Variants in SOX30 observed in about 807,000 individuals in gnomAD.
The protein encoded by SOX30 is transcription factor SOX-30.
SOX30 carries 17 observed loss-of-function variants against 58.6 expected under a neutral mutation model. That is an observed-to-expected ratio of 0.29 (90% CI 0.20 to 0.44). The LOEUF is 0.44. SOX30 is among the 20% of genes least tolerant of loss of function. The pLI is 1.00. For missense variants in SOX30, 951 were observed against 965.8 expected (o/e 0.98, Z 0.20); for synonymous variants, 421 against 400.2 (o/e 1.05, Z -0.62).
chr5:157,641,981 G>A (rs543986743), intron 3 of SOX30, among the ~76,000 whole-genome samples: 2 of 152,186 alleles, frequency 1.3e-5, no homozygotes, highest in South Asian at 2.1e-4. Context: ...ACAAGTGATC[G>A]ATTAGAACAA....
intron 4 of SOX30, among the ~76,000 whole-genome samples, chr5:157,629,268 C>G (rs1004159225): frequency 1.6e-4 from 24 of 152,074 alleles, no homozygotes; most frequent in Middle Eastern, 3.2e-3. Flanking sequence ...CCCATAAATA[C>G]GTAAAATGTT....
chr5:157,644,914 G>C (rs570210794), intron 3 of SOX30, among the ~76,000 whole-genome samples: 1 of 152,188 alleles, frequency 6.6e-6, no homozygotes, highest in Non-Finnish European at 1.5e-5. Context: ...CCAGGCGTCA[G>C]AGGCTGCAGT....
At chr5:157,661,467 A>G (rs1759577012) in intron 2 of SOX30, among the ~76,000 whole-genome samples, 1 of 152,250 alleles carries the variant, frequency 6.6e-6, no homozygotes, top group Admixed American at 6.5e-5. Context: ...TTTGTGAGCC[A>G]TATGAGCTCT....
chr5:157,667,691 A>G, intron 2 of SOX30: 1 of 1,448,340 alleles, frequency 6.9e-7, no homozygotes, highest in Non-Finnish European at 9.1e-7. Flanking sequence ...GTGACCTGAT[A>G]TCATGCCACT....
intron 4 of SOX30, among the ~76,000 whole-genome samples, chr5:157,637,487 A>C (rs921965970): frequency 6.6e-6 from 1 of 152,172 alleles, no homozygotes; most frequent in Non-Finnish European, 1.5e-5. Context: ...GCCAAATATC[A>C]GGCGTACTAT....
intron 1 of SOX30, 152 bp from the exon 2 acceptor site, chr5:157,649,048 CACAATTCCTT>C: frequency 1.1e-6 from 1 of 951,528 alleles, no homozygotes; most frequent in Non-Finnish European, 1.5e-6. Flanking sequence ...GCCAGTATTC[CACAATTCCTT>C]ACATCCCCTG....
intron 2 of SOX30, among the ~76,000 whole-genome samples, chr5:157,647,470 C>A (rs1759221059): frequency 6.6e-6 from 1 of 151,958 alleles, no homozygotes; most frequent in Admixed American, 6.6e-5. Context: ...TCAAATAATG[C>A]CTCACTATGA....
chr5:157,646,171 G>C (rs1450094477), intron 3 of SOX30, among the ~76,000 whole-genome samples: 1 of 152,152 alleles, frequency 6.6e-6, no homozygotes, highest in African/African-American at 2.4e-5. Flanking sequence ...TTAATATAAT[G>C]AACCAAACAA....
At position 157,651,944 on chromosome 5, in the gene SOX30, C is replaced by T. The variant is rs1581402696; in HGVS notation, c.135G>A (p.Ala45=). Residue 45 remains alanine, a synonymous_variant, in exon 1 of 5, where the codon GCG becomes GCA. Transcript: ENST00000265007. ...EPPPSSPTLS[A]AASATLASSC... ...ACGAGGCCAAGGTCGCACTGGCTGC[C>T]GCGCTCAGTGTGGGAGACGACGGAG... 1.3e-6 allele frequency: 2 copies of T among 1,492,004 alleles called. No homozygotes were observed. Among genetic ancestry groups the T allele is most frequent in the East Asian group, 2.4e-5 (1 of 41,278 alleles). 92.4% of individuals were successfully genotyped at this position (1,492,004 alleles called of 1,614,324 possible).
chr5:157,667,785 C>T lies in SOX30; in HGVS notation c.52+13G>A, dbSNP rs1347559579. ...ACATACACACACACACACACACACACACACATACAAACCTTGCTGGATGCA... is the reference window on the plus strand; with the variant it reads ...ACATACACACACACACACACACACATACACATACAAACCTTGCTGGATGCA... On this transcript the variant is annotated intron_variant, in intron 2 of 5. Coordinates refer to the SOX30 transcript ENST00000519442. The T allele has an allele frequency of 4.6e-6, 7 of 1,534,706 alleles. No individual in the cohort carries two copies. The African/African-American group carries it at 8.2e-5, about 18-fold the overall frequency.
chr5:157,668,689 A>C (rs943347588), intron 1 of SOX30, among the ~76,000 whole-genome samples: 1 of 152,120 alleles, frequency 6.6e-6, no homozygotes, highest in African/African-American at 2.4e-5. Context: ...GCTTTTCCTG[A>C]TCAGTGATGG....
chr5:157,633,456 G>T (rs992490101), intron 4 of SOX30, among the ~76,000 whole-genome samples: 2 of 152,114 alleles, frequency 1.3e-5, no homozygotes, highest in Admixed American at 6.5e-5. Flanking sequence ...TCCTTGCTGG[G>T]GAGTTCAGGT....
intron 4 of SOX30, among the ~76,000 whole-genome samples, chr5:157,633,357 C>CCAATG (rs1383586804): frequency 9.9e-5 from 15 of 152,254 alleles, no homozygotes; most frequent in African/African-American, 3.6e-4. Context: ...AAGTTTATAA[C>CCAATG]CAATGAAACT....
At chr5:157,644,874 G>A (rs1243649067) in intron 3 of SOX30, among the ~76,000 whole-genome samples, 3 of 152,116 alleles carry the variant, frequency 2.0e-5, no homozygotes, top group Admixed American at 6.5e-5. Context: ...TCAGCTACTC[G>A]GGAGGCTGAG....
intron 2 of SOX30, among the ~76,000 whole-genome samples, chr5:157,661,775 G>A (rs1346263100): frequency 6.6e-6 from 1 of 152,156 alleles, no homozygotes; most frequent in Non-Finnish European, 1.5e-5. Flanking sequence ...CTAATTTGTT[G>A]TTATTTAAAC....
At chr5:157,634,315 G>T (rs930250398) in intron 4 of SOX30, among the ~76,000 whole-genome samples, 8 of 152,174 alleles carry the variant, frequency 5.3e-5, no homozygotes, top group Admixed American at 3.3e-4. Flanking sequence ...CCAGGCTCAA[G>T]TGATCCTCCC....
intron 3 of SOX30, among the ~76,000 whole-genome samples, chr5:157,640,762 A>C (rs1460367144): frequency 6.6e-6 from 1 of 152,204 alleles, no homozygotes; most frequent in African/African-American, 2.4e-5. Flanking sequence ...TTGAAATACT[A>C]AAATCTCCGC....
intron 1 of SOX30, among the ~76,000 whole-genome samples, chr5:157,671,072 C>G (rs952911234): frequency 1.3e-5 from 2 of 152,158 alleles, no homozygotes; most frequent in Admixed American, 1.3e-4. Flanking sequence ...AGGAAGCAGC[C>G]GCTCCGGGAA....
intron 2 of SOX30, among the ~76,000 whole-genome samples, chr5:157,657,517 C>G (rs1759498526): frequency 6.6e-6 from 1 of 152,166 alleles, no homozygotes; most frequent in African/African-American, 2.4e-5. Context: ...TTTCAGAATA[C>G]TCATGGAGAG....
Sources: allele counts gnomAD v4.1 joint callset (sites outside exome capture counted in the v4.1 genomes callset), GRCh38; gene constraint gnomAD v4.1.1; transcripts MANE v1.5; gene names NCBI Gene and HGNC (gene_info 2026-07-23, HGNC 2026-07-21).